FBXO36: variants seen among roughly 807,000 people sequenced by gnomAD.
FBXO36 encodes F-box protein 36, also known as F-box only protein 36.
In FBXO36, 18 loss-of-function variants were observed where a neutral mutation model predicts 17.0. That is an observed-to-expected ratio of 1.06 (90% CI 0.73 to 1.57). FBXO36 has a LOEUF of 1.57. FBXO36 is among the 40% of genes most tolerant of loss of function. The pLI, the probability that FBXO36 is intolerant of heterozygous loss-of-function variation, is 0.00. For missense variants in FBXO36, 229 were observed against 221.9 expected (o/e 1.03, Z -0.20); for synonymous variants, 83 against 85.3 (o/e 0.97, Z 0.15).
Position 230,011,006 on chromosome 2 carries a change from A to T in FBXO36, c.*122A>T. On this transcript the variant is annotated 3_prime_UTR_variant, in exon 4 of 4. Transcript: ENST00000283946. ...TTTGTTGATGCGTGGAGCCATTTGA[A>T]ACTCGTAGGGGATTTGCACACAAAT... 9.5e-7 allele frequency: 1 copy of T among 1,047,510 alleles called. No individual in the cohort carries two copies. The highest frequency in any genetic ancestry group is 2.8e-5 in the Admixed American group (1 of 35,342). The allele number at this position is 1,047,510 out of a possible 1,614,324, so 64.9% of individuals were successfully genotyped here.
chr2:229,996,494 G>T (rs1319582083), intron 2 of FBXO36, among the ~76,000 whole-genome samples: 1 of 152,056 alleles, frequency 6.6e-6, no homozygotes, highest in Non-Finnish European at 1.5e-5. Flanking sequence ...AGATCAAGGG[G>T]ATGCAGAAAT....
intron 1 of FBXO36, chr2:229,937,931 C>T (rs966158736): frequency 6.6e-6 from 1 of 152,124 alleles, no homozygotes; most frequent in Non-Finnish European, 1.5e-5. Flanking sequence ...CTTAGTTTTG[C>T]TTATATGTTT....
chr2:229,963,448 T>C (rs1198700774), intron 1 of FBXO36, among the ~76,000 whole-genome samples: 2 of 146,240 alleles, frequency 1.4e-5, no homozygotes, highest in African/African-American at 2.5e-5. Flanking sequence ...TTTTTTCTTT[T>C]TTTTTTTTTT....
chr2:230,001,118 C>T (rs1031696910), intron 3 of FBXO36, among the ~76,000 whole-genome samples: 2 of 152,044 alleles, frequency 1.3e-5, no homozygotes, highest in Non-Finnish European at 2.9e-5. Flanking sequence ...CTCAGCCTCC[C>T]AAAGTGTTGA....
chr2:229,939,449 CAA>C (rs1184530736), intron 1 of FBXO36, among the ~76,000 whole-genome samples: 1 of 140,286 alleles, frequency 7.1e-6, no homozygotes, highest in Non-Finnish European at 1.6e-5. Context: ...ACTAAAAATA[CAA>C]AAAAAAAAAA....
intron 3 of FBXO36, among the ~76,000 whole-genome samples, chr2:230,002,281 G>GT (rs1036013322): frequency 1.3e-5 from 2 of 152,056 alleles, no homozygotes; most frequent in African/African-American, 4.8e-5. Context: ...AATTTCATTA[G>GT]TTTTTTCAAT....
intron 3 of FBXO36, among the ~76,000 whole-genome samples, chr2:230,005,148 C>T (rs1225898369): frequency 6.6e-6 from 1 of 152,084 alleles, no homozygotes; most frequent in Non-Finnish European, 1.5e-5. Context: ...GTCACCCAGG[C>T]AGGAGTGTGG....
At chr2:229,923,382 C>T (rs1412047517) in intron 1 of FBXO36, 3 of 152,188 alleles carry the variant, frequency 2.0e-5, no homozygotes, top group African/African-American at 7.2e-5. Flanking sequence ...GCGGGGCCTC[C>T]ATTGGGAAGA....
At chr2:229,942,635 A>G (rs546010639) in intron 1 of FBXO36, 1 of 152,460 alleles carries the variant, frequency 6.6e-6, no homozygotes, top group South Asian at 2.1e-4. Context: ...ACAGGGGCAG[A>G]AGTGTACCAG....
Position 230,010,999 on chromosome 2 carries a change from C to A in FBXO36, c.*115C>A. On this transcript the variant is annotated 3_prime_UTR_variant, in exon 4 of 4. Coordinates refer to ENST00000283946, the MANE Select transcript of FBXO36 (RefSeq NM_174899.5). The stretch of plus-strand genomic sequence containing the variant: ...AAGAGGTTTTGTTGATGCGTGGAGC[C>A]ATTTGAAACTCGTAGGGGATTTGCA... 1 of 1,117,702 alleles carries A rather than the reference C, an allele frequency of 8.9e-7. No individual in the cohort carries two copies. The highest frequency in any genetic ancestry group is 1.2e-6 in the Non-Finnish European group (1 of 801,704). The allele number at this position is 1,117,702 out of a possible 1,614,324, so 69.2% of individuals were successfully genotyped here.
At chr2:229,967,719 G>T (rs2077160650) in intron 1 of FBXO36, among the ~76,000 whole-genome samples, 1 of 152,130 alleles carries the variant, frequency 6.6e-6, no homozygotes, top group African/African-American at 2.4e-5. Flanking sequence ...TGCATCCCAG[G>T]GATGAAGCCC....
At chr2:229,987,786 A>C (rs2106203627) in intron 2 of FBXO36, among the ~76,000 whole-genome samples, 1 of 152,136 alleles carries the variant, frequency 6.6e-6, no homozygotes, top group East Asian at 1.9e-4. Context: ...GTGCACCACC[A>C]CACCTGGATA....
chr2:229,966,065 G>A (rs1179941845), intron 1 of FBXO36, among the ~76,000 whole-genome samples: 1 of 152,052 alleles, frequency 6.6e-6, no homozygotes, highest in Non-Finnish European at 1.5e-5. Context: ...TTTAATGATC[G>A]CCATTCTAAC....
intron 1 of FBXO36, among the ~76,000 whole-genome samples, chr2:229,961,236 T>G (rs1373926619): frequency 5.9e-5 from 9 of 152,190 alleles, no homozygotes; most frequent in Admixed American, 5.9e-4. Context: ...AAGATACTGG[T>G]GAACTCTTCC....
intron 1 of FBXO36, among the ~76,000 whole-genome samples, chr2:229,923,847 G>GT (rs71045800): frequency 0.037 from 2,831 of 77,510 alleles, 85 homozygotes; most frequent in South Asian, 0.057. Context: ...TTTTGGTGTT[G>GT]TTTTTTTTTT....
intron 1 of FBXO36, among the ~76,000 whole-genome samples, chr2:229,933,867 G>A (rs1272074964): frequency 6.6e-6 from 1 of 151,852 alleles, no homozygotes; most frequent in Non-Finnish European, 1.5e-5. Flanking sequence ...TGTATTTTTA[G>A]TAAAGATGGG....
intron 1 of FBXO36, 45 bp downstream of exon 1, chr2:229,922,654 G>A (rs935858764): frequency 1.9e-6 from 3 of 1,596,812 alleles, no homozygotes; most frequent in Non-Finnish European, 2.6e-6. Flanking sequence ...CTCCCTACCT[G>A]GCCCGGTTGG....
At chr2:229,938,238 T>TGAG (rs2076976345) in intron 1 of FBXO36, among the ~76,000 whole-genome samples, 2 of 141,516 alleles carry the variant, frequency 1.4e-5, no homozygotes, top group Non-Finnish European at 3.0e-5. Flanking sequence ...TTTTTTTTTT[T>TGAG]GAGGAGGAGT....
intron 1 of FBXO36, among the ~76,000 whole-genome samples, chr2:229,958,114 T>G (rs1044902310): frequency 3.3e-5 from 5 of 152,136 alleles, no homozygotes. Flanking sequence ...CCAGGTTGTA[T>G]TATTTTTTCA....
Sources: allele counts gnomAD v4.1 joint callset (sites outside exome capture counted in the v4.1 genomes callset), GRCh38; gene constraint gnomAD v4.1.1; transcripts MANE v1.5; gene names NCBI Gene and HGNC (gene_info 2026-07-23, HGNC 2026-07-21).